Variants in TEAD1 observed in about 807,000 individuals in gnomAD.
TEAD1 encodes the protein transcriptional enhancer factor TEF-1.
TEAD1 carries 9 observed loss-of-function variants against 54.9 expected under a neutral mutation model. The observed-to-expected ratio is 0.16, with a 90% CI of 0.10 to 0.29. TEAD1 has a LOEUF of 0.29. Among genes scored for constraint, TEAD1 ranks in the 10% least tolerant of loss-of-function variants. TEAD1 has a pLI of 1.00. For synonymous variants in TEAD1, 200 were observed against 187.8 expected, an observed-to-expected ratio of 1.07 and a Z score of -0.53; for missense variants, 387 against 535.9, an observed-to-expected ratio of 0.72 and a Z score of 2.74.
intron 2 of TEAD1, among the ~76,000 whole-genome samples, chr11:12,693,426 T>C (rs923762292): frequency 6.6e-6 from 1 of 152,232 alleles, no homozygotes; most frequent in African/African-American, 2.4e-5. Flanking sequence ...TACATGCTTC[T>C]GTACATCCTG....
intron 5 of TEAD1, among the ~76,000 whole-genome samples, chr11:12,876,894 A>G (rs1335212163): frequency 6.6e-6 from 1 of 152,198 alleles, no homozygotes; most frequent in Non-Finnish European, 1.5e-5. Context: ...GGGATGGACA[A>G]GCGAGGAGCA....
chr11:12,725,662 C>T (rs1166389046), intron 2 of TEAD1, among the ~76,000 whole-genome samples: 1 of 152,020 alleles, frequency 6.6e-6, no homozygotes, highest in Non-Finnish European at 1.5e-5. Flanking sequence ...TTCTGTAGTT[C>T]AGTAGAATAA....
chr11:12,916,964 G>T (rs931635723), intron 10 of TEAD1, among the ~76,000 whole-genome samples: 53 of 152,174 alleles, frequency 3.5e-4, no homozygotes, highest in African/African-American at 1.3e-3. Flanking sequence ...CTGGATGGAA[G>T]TTACAGAGGA....
intron 2 of TEAD1, among the ~76,000 whole-genome samples, chr11:12,709,211 A>G (rs1863711200): frequency 6.6e-6 from 1 of 151,984 alleles, no homozygotes; most frequent in Non-Finnish European, 1.5e-5. Flanking sequence ...GATGGTGTGC[A>G]CCTGTGGTCC....
In TEAD1 at chr11:12,881,023, C is replaced by G; in HGVS notation, c.484C>G (p.Gln162Glu). The G allele has an allele frequency of 6.2e-7, 1 of 1,614,174 alleles. No individual in the cohort carries two copies. Among genetic ancestry groups the G allele is most frequent in the Non-Finnish European group, 8.5e-7 (1 of 1,180,028 alleles). ...CTTCCAGTTCTGGCCGGGAATGATT[C>G]AAACAGGGCAGCCAGGATCCTCACA... Residue 162 changes from glutamine (Q) to glutamate (E), a missense_variant, in exon 7 of 13, where the codon CAA becomes GAA. Around this residue, in one of 5 missense-constraint regions of TEAD1, gnomAD observed 180 missense variants for 180.6 expected, o/e 1.00. Transcript: ENST00000527636.
intron 5 of TEAD1, among the ~76,000 whole-genome samples, chr11:12,872,205 T>A (rs2134083328): frequency 6.6e-6 from 1 of 152,362 alleles, no homozygotes; most frequent in African/African-American, 2.4e-5. Flanking sequence ...CATCCAGGAA[T>A]GGGCCTGTCC....
chr11:12,777,422 G>T (rs982675738), intron 3 of TEAD1, among the ~76,000 whole-genome samples: 4 of 152,130 alleles, frequency 2.6e-5, no homozygotes, highest in Admixed American at 2.6e-4. Context: ...ATATTTTGTT[G>T]AGACGGGCTT....
At chr11:12,936,939 A>C (rs918738051) in intron 12 of TEAD1, among the ~76,000 whole-genome samples, 170 bp from the exon 13 acceptor site, 1 of 152,218 alleles carries the variant, frequency 6.6e-6, no homozygotes, top group African/African-American at 2.4e-5. Context: ...GATGGGCTTC[A>C]GGTCATAGTT....
chr11:12,773,117 T>G (rs1945346677), intron 3 of TEAD1, among the ~76,000 whole-genome samples: 1 of 152,226 alleles, frequency 6.6e-6, no homozygotes, highest in Non-Finnish European at 1.5e-5. Context: ...TTGTTCCTTT[T>G]TATCATTGAG....
intron 10 of TEAD1, among the ~76,000 whole-genome samples, chr11:12,920,670 A>G (rs1024838874): frequency 6.6e-6 from 1 of 152,262 alleles, no homozygotes; most frequent in African/African-American, 2.4e-5. Flanking sequence ...CTAGTCTTTC[A>G]GAACAACTTG....
chr11:12,886,618 G>A (rs572081251), intron 9 of TEAD1, among the ~76,000 whole-genome samples: 92 of 152,162 alleles, frequency 6.0e-4, no homozygotes, highest in African/African-American at 2.1e-3. Flanking sequence ...AGTATGTCAG[G>A]GGATGCTAAC....
At chr11:12,723,594 C>T (rs1035590790) in intron 2 of TEAD1, among the ~76,000 whole-genome samples, 2 of 152,116 alleles carry the variant, frequency 1.3e-5, no homozygotes, top group Admixed American at 1.3e-4. Flanking sequence ...CTTAGATTCT[C>T]CTTTGTTCTT....
chr11:12,798,448 A>C (rs140487898), intron 3 of TEAD1, among the ~76,000 whole-genome samples: 1 of 152,178 alleles, frequency 6.6e-6, no homozygotes, highest in African/African-American at 2.4e-5. Context: ...GCCCCTAAAG[A>C]CAGGGCTCCA....
At chr11:12,766,967 C>T (rs1408820477) in intron 3 of TEAD1, among the ~76,000 whole-genome samples, 2 of 152,126 alleles carry the variant, frequency 1.3e-5, no homozygotes, top group East Asian at 1.9e-4. Flanking sequence ...AGGAAACATC[C>T]CCCCTGAACT....
intron 2 of TEAD1, among the ~76,000 whole-genome samples, chr11:12,692,274 T>C (rs1590056884): frequency 6.6e-6 from 1 of 152,244 alleles, no homozygotes; most frequent in Non-Finnish European, 1.5e-5. Flanking sequence ...AGACACGCTC[T>C]AATGCTTTCT....
At chr11:12,731,272 T>G (rs1403226697) in intron 2 of TEAD1, among the ~76,000 whole-genome samples, 1 of 152,212 alleles carries the variant, frequency 6.6e-6, no homozygotes, top group African/African-American at 2.4e-5. Context: ...TTGCAGTATA[T>G]GTCCAATGTG....
intron 2 of TEAD1, among the ~76,000 whole-genome samples, chr11:12,759,615 C>T: frequency 6.6e-6 from 1 of 152,216 alleles, no homozygotes; most frequent in East Asian, 1.9e-4. Context: ...GTAATCCCAG[C>T]ACTTTGGGAG....
chr11:12,872,119 C>CT (rs1947758535), intron 5 of TEAD1, among the ~76,000 whole-genome samples: 1 of 152,182 alleles, frequency 6.6e-6, no homozygotes, highest in African/African-American at 2.4e-5. Context: ...TGATTTAATT[C>CT]TTTTGAGTTC....
At chr11:12,691,687 T>G (rs977656040) in intron 2 of TEAD1, among the ~76,000 whole-genome samples, 1 of 152,218 alleles carries the variant, frequency 6.6e-6, no homozygotes, top group African/African-American at 2.4e-5. Flanking sequence ...AAGCTCATGT[T>G]AATGTAGGCT....
Sources: gnomAD v4.1 joint callset for allele counts (sites outside exome capture counted in the v4.1 genomes callset) on GRCh38, gnomAD v4.1.1 for gene constraint, gnomAD v4.1.1 regional missense constraint, MANE v1.5 for transcripts, NCBI Gene and HGNC (gene_info 2026-07-23, HGNC 2026-07-21) for gene names.